COX7B2: variants seen among roughly 807,000 people sequenced by gnomAD.
COX7B2 encodes the protein cytochrome c oxidase subunit 7B2.
For missense variants in COX7B2, 109 were observed against 95.9 expected (o/e 1.14, Z -0.57); for synonymous variants, 37 against 32.1 (o/e 1.15, Z -0.51).
chr4:46,788,591 T>A (rs969726035), intron 2 of COX7B2, among the ~76,000 whole-genome samples: 4 of 152,196 alleles, frequency 2.6e-5, no homozygotes, highest in Non-Finnish European at 4.4e-5. Context: ...ATCCTTGGTT[T>A]CACTACAATT....
At chr4:46,753,785 A>C (rs2109441792) in intron 2 of COX7B2, among the ~76,000 whole-genome samples, 1 of 152,138 alleles carries the variant, frequency 6.6e-6, no homozygotes, top group East Asian at 1.9e-4. Flanking sequence ...CAACCTACAG[A>C]ATGGGAGAAA....
At chr4:46,809,439 G>A (rs1205749318) in intron 2 of COX7B2, among the ~76,000 whole-genome samples, 1 of 151,614 alleles carries the variant, frequency 6.6e-6, no homozygotes, top group African/African-American at 2.4e-5. Flanking sequence ...AACTGCTTTT[G>A]CTGTCTTCCA....
intron 1 of COX7B2, among the ~76,000 whole-genome samples, chr4:46,893,018 T>TC (rs1174969529): frequency 6.6e-6 from 1 of 152,184 alleles, no homozygotes; most frequent in African/African-American, 2.4e-5. Context: ...ATTGTAAGTT[T>TC]CCTGAGACCT....
chr4:46,887,483 A>G (rs1719145752), intron 1 of COX7B2, among the ~76,000 whole-genome samples: 1 of 152,028 alleles, frequency 6.6e-6, no homozygotes, highest in Non-Finnish European at 1.5e-5. Context: ...AGGCCAAGGC[A>G]GGTTGATCAC....
At chr4:46,794,721 G>T (rs1178974034) in intron 2 of COX7B2, among the ~76,000 whole-genome samples, 1 of 152,142 alleles carries the variant, frequency 6.6e-6, no homozygotes, top group African/African-American at 2.4e-5. Flanking sequence ...TACTATGATG[G>T]AGAGCAGAGT....
intron 2 of COX7B2, among the ~76,000 whole-genome samples, chr4:46,767,442 T>C (rs577329851): frequency 2.0e-4 from 31 of 152,230 alleles, no homozygotes; most frequent in Non-Finnish European, 4.1e-4. Context: ...CAACAATGGA[T>C]CATCCAAACA....
At chr4:46,880,938 A>G (rs1239242881) in intron 1 of COX7B2, among the ~76,000 whole-genome samples, 1 of 147,324 alleles carries the variant, frequency 6.8e-6, no homozygotes, top group Non-Finnish European at 1.5e-5. Flanking sequence ...GCACATGTAT[A>G]CATATGTAAC....
chr4:46,907,999 G>A (rs565100176), intron 1 of COX7B2, among the ~76,000 whole-genome samples: 20 of 151,850 alleles, frequency 1.3e-4, no homozygotes, highest in Admixed American at 4.6e-4. Context: ...GACTACAGGC[G>A]CGTGCGACCA....
intron 2 of COX7B2, among the ~76,000 whole-genome samples, chr4:46,808,637 TC>T (rs1719129305): frequency 6.6e-6 from 1 of 151,908 alleles, no homozygotes; most frequent in African/African-American, 2.4e-5. Flanking sequence ...GGAAAAACTT[TC>T]AGTTTCTCCC....
intron 2 of COX7B2, among the ~76,000 whole-genome samples, chr4:46,753,494 A>G (rs1317528218): frequency 6.6e-6 from 1 of 151,690 alleles, no homozygotes; most frequent in African/African-American, 2.4e-5. Flanking sequence ...TGGTGCTGGG[A>G]AAACTGGCTA....
intron 1 of COX7B2, among the ~76,000 whole-genome samples, chr4:46,865,324 G>A (rs1477079588): frequency 1.3e-5 from 2 of 152,162 alleles, no homozygotes; most frequent in African/African-American, 4.8e-5. Context: ...CCATGGTTGT[G>A]TATGTACCAT....
At chr4:46,885,583 C>T (rs1330019847) in intron 1 of COX7B2, among the ~76,000 whole-genome samples, 1 of 152,090 alleles carries the variant, frequency 6.6e-6, no homozygotes. Context: ...TATTATACCT[C>T]CATGTTTGAT....
At chr4:46,789,003 C>T (rs1717897524) in intron 2 of COX7B2, among the ~76,000 whole-genome samples, 1 of 152,090 alleles carries the variant, frequency 6.6e-6, no homozygotes, top group Non-Finnish European at 1.5e-5. Context: ...TGCTTTGGGA[C>T]CTAAGTCAAC....
In COX7B2 at chr4:46,895,976, T is replaced by C. The variant is rs184634667; in HGVS notation, c.-105+13184A>G. On this transcript the variant is annotated intron_variant, in intron 1 of 2. Coordinates refer to ENST00000355591, the MANE Select transcript of COX7B2 (RefSeq NM_130902.3). ...AATACATTTCATCTCTTCTTGAGAA[T>C]AAGTAAATTTGGAGGGGAGAGGAAA... 1.1e-3 allele frequency among the ~76,000 whole-genome samples: 173 copies of C among 152,282 alleles called. 1 individual carries two copies. The highest frequency in any genetic ancestry group is 4.0e-3 in the African/African-American group (167 of 41,568).
chr4:46,835,623 C>A (rs1715463644), intron 2 of COX7B2, among the ~76,000 whole-genome samples: 1 of 152,102 alleles, frequency 6.6e-6, no homozygotes, highest in Non-Finnish European at 1.5e-5. Context: ...CAACTATCAA[C>A]CTAGACATTC....
chr4:46,841,368 T>TGTGG (rs1284988241), intron 2 of COX7B2, among the ~76,000 whole-genome samples: 8 of 151,534 alleles, frequency 5.3e-5, no homozygotes, highest in African/African-American at 1.9e-4. Context: ...TGTGTGTGTG[T>TGTGG]GTGTGTTTAA....
intron 2 of COX7B2, among the ~76,000 whole-genome samples, chr4:46,757,818 G>A (rs533193111): frequency 1.3e-5 from 2 of 152,200 alleles, no homozygotes; most frequent in African/African-American, 4.8e-5. Context: ...AATAAAAAGA[G>A]AAATGTTCTG....
chr4:46,792,599 C>A (rs1179826808), intron 2 of COX7B2, among the ~76,000 whole-genome samples: 1 of 152,170 alleles, frequency 6.6e-6, no homozygotes, highest in Non-Finnish European at 1.5e-5. Context: ...TCAGAATCAG[C>A]CTGGACTTTA....
chr4:46,819,957 C>T (rs1714156367), intron 2 of COX7B2, among the ~76,000 whole-genome samples: 1 of 152,254 alleles, frequency 6.6e-6, no homozygotes, highest in South Asian at 2.1e-4. Context: ...TTCATTCCAC[C>T]AAGCATTGCA....
Sources: allele counts gnomAD v4.1 joint callset (sites outside exome capture counted in the v4.1 genomes callset), GRCh38; gene constraint gnomAD v4.1.1; transcripts MANE v1.5; gene names NCBI Gene and HGNC (gene_info 2026-07-23, HGNC 2026-07-21).